The following GLIS3 variants were observed in gnomAD, a reference collection of about 807,000 sequenced individuals.
The protein encoded by GLIS3 is GLIS family zinc finger 3, also known as zinc finger protein GLIS3.
Under a neutral mutation model 78.6 loss-of-function variants are expected in GLIS3, and 53 were observed. The ratio of observed to expected loss-of-function variants is 0.67; its 90% confidence interval spans 0.54 to 0.85. The LOEUF (loss-of-function observed/expected upper bound fraction) is 0.85, where lower values mean the gene tolerates loss of function less well. Among genes scored for constraint, GLIS3 ranks in the 40% least tolerant of loss-of-function variants. The pLI, the probability that GLIS3 is intolerant of heterozygous loss-of-function variation, is 0.00. For synonymous variants in GLIS3, 684 were observed against 509.9 expected, an observed-to-expected ratio of 1.34 and a Z score of -4.60; for missense variants, 1,703 against 1,231.1, an observed-to-expected ratio of 1.38 and a Z score of -5.74.
chr9:4,451,529 A>G, the GLIS3 span, among the ~76,000 whole-genome samples: 3 of 152,196 alleles, frequency 2.0e-5, no homozygotes, highest in African/African-American at 7.2e-5. Context: ...TCTCCACCCC[A>G]TATCAACAGA....
chr9:4,419,032 C>A, the GLIS3 span, among the ~76,000 whole-genome samples: 1 of 152,168 alleles, frequency 6.6e-6, no homozygotes. Flanking sequence ...TGCAATCTGT[C>A]ATTAAGCAAT....
chr9:4,033,044 G>A (rs12353129), intron 4 of GLIS3, among the ~76,000 whole-genome samples: 6,930 of 151,914 alleles, frequency 0.046, 568 homozygotes, highest in African/African-American at 0.16. Context: ...TAGTAGAGAC[G>A]GGGTTTCACC....
At chr9:4,350,782 AC>A (rs1259422141), upstream of GLIS3, among the ~76,000 whole-genome samples, 2 of 151,478 alleles carry the variant, frequency 1.3e-5, no homozygotes, top group Non-Finnish European at 2.9e-5. Flanking sequence ...GGGGTAAAAA[AC>A]ATCAGGGTTT....
At chr9:3,839,475 C>G (rs965432522) in intron 9 of GLIS3, among the ~76,000 whole-genome samples, 6 of 151,752 alleles carry the variant, frequency 4.0e-5, no homozygotes, top group Admixed American at 3.9e-4. Flanking sequence ...AGGAAAGGAA[C>G]TAATAGTTAT....
chr9:4,467,651 A>C, the GLIS3 span, among the ~76,000 whole-genome samples: 5 of 152,210 alleles, frequency 3.3e-5, no homozygotes, highest in Non-Finnish European at 5.9e-5. Context: ...ATCAAAGAAC[A>C]AAGGTAGATA....
At chr9:4,369,027 T>C in the GLIS3 span, among the ~76,000 whole-genome samples, 5 of 152,224 alleles carry the variant, frequency 3.3e-5, no homozygotes, top group Non-Finnish European at 7.3e-5. Flanking sequence ...TCTCCATTTC[T>C]CTATTTCTAA....
At position 4,054,285 on chromosome 9, in the gene GLIS3, G is replaced by C. The variant is rs540915835; in HGVS notation, c.1710+63483C>G. On this transcript the variant is annotated intron_variant, in intron 4 of 10. Coordinates refer to ENST00000381971, the MANE Select transcript of GLIS3 (RefSeq NM_001042413.2). Reference sequence around the variant, plus strand: ...ACTGCTCTATTCTCAGCACAGACCAGAGCCTGCAAACAACGTACTCTACAG... The same window carrying C: ...ACTGCTCTATTCTCAGCACAGACCACAGCCTGCAAACAACGTACTCTACAG... The C allele has an allele frequency of 1.0e-5, 10 of 956,922 alleles. No homozygotes were observed. In the East Asian group the frequency reaches 3.5e-4, roughly 33 times the overall value. 59.3% of individuals were successfully genotyped at this position (956,922 alleles called of 1,614,324 possible). A position where few individuals can be genotyped will look rare whatever the true frequency, so the allele number is the denominator to read the frequency against.
chr9:3,995,466 G>A (rs558813477), intron 4 of GLIS3, among the ~76,000 whole-genome samples: 38 of 152,012 alleles, frequency 2.5e-4, no homozygotes, highest in African/African-American at 8.2e-4. Flanking sequence ...ACAGCCAGTA[G>A]AAAACACAGT....
intron 2 of GLIS3, among the ~76,000 whole-genome samples, chr9:4,211,899 T>C (rs1337200732): frequency 2.0e-5 from 3 of 152,234 alleles, no homozygotes; most frequent in Non-Finnish European, 4.4e-5. Context: ...AACATTTTTC[T>C]AAGTGAAAGA....
the GLIS3 span, among the ~76,000 whole-genome samples, chr9:4,449,488 C>T: frequency 2.0e-5 from 3 of 152,204 alleles, no homozygotes; most frequent in African/African-American, 7.2e-5. Context: ...GCATGGTGTT[C>T]AAGCTCTGAG....
the GLIS3 span, among the ~76,000 whole-genome samples, chr9:4,387,343 A>G: frequency 2.2e-4 from 34 of 152,092 alleles, no homozygotes; most frequent in African/African-American, 8.2e-4. Flanking sequence ...TACTTACATG[A>G]GAGTGTGACC....
At chr9:4,413,838 C>G in the GLIS3 span, among the ~76,000 whole-genome samples, 1 of 152,108 alleles carries the variant, frequency 6.6e-6, no homozygotes, top group African/African-American at 2.4e-5. Flanking sequence ...AACTAAAACC[C>G]TGTAAAATTT....
intron 2 of GLIS3, among the ~76,000 whole-genome samples, chr9:4,212,615 AAACT>A (rs1026264618): frequency 2.6e-5 from 4 of 152,206 alleles, no homozygotes; most frequent in African/African-American, 7.2e-5. Flanking sequence ...AATTCCTGAA[AAACT>A]AACTTTTAGC....
intron 5 of GLIS3, 102 bp from the exon 6 acceptor site, chr9:3,932,572 C>T (rs1488683437): frequency 1.2e-6 from 1 of 837,202 alleles, no homozygotes; most frequent in African/African-American, 1.7e-5. Context: ...GAACTGTTAC[C>T]AATTGACTGA....
chr9:4,028,052 C>T (rs1823497411), intron 4 of GLIS3, among the ~76,000 whole-genome samples: 1 of 152,176 alleles, frequency 6.6e-6, no homozygotes, highest in Non-Finnish European at 1.5e-5. Context: ...CAGCATAGTA[C>T]TTATCTTCCT....
intron 4 of GLIS3, among the ~76,000 whole-genome samples, chr9:4,038,973 A>T (rs1382231713): frequency 1.3e-5 from 2 of 152,176 alleles, no homozygotes; most frequent in African/African-American, 4.8e-5. Flanking sequence ...GTCTTCTCTC[A>T]CTATGAACCG....
At chr9:4,288,447 G>A (rs1587320074) in intron 1 of GLIS3, among the ~76,000 whole-genome samples, 1 of 151,768 alleles carries the variant, frequency 6.6e-6, no homozygotes, top group East Asian at 1.9e-4. Flanking sequence ...AGTGTCTGCA[G>A]ATTTTCAGAC....
Position 4,008,811 on chromosome 9 carries a change from C to T in GLIS3, c.1711-71622G>A, listed in dbSNP as rs573618399. Among the ~76,000 whole-genome samples the T allele has an allele frequency of 8.5e-5, 13 of 152,302 alleles. No individual in the cohort carries two copies. In the East Asian group the frequency reaches 2.1e-3, roughly 25 times the overall value. On this transcript the variant is annotated intron_variant, in intron 4 of 10. Transcript: ENST00000381971. ...GAGTTGAAAGAAACTTTAGAGATGA[C>T]TCTGTTCCAACATCCACCTTTTATA...
At chr9:4,306,672 A>G (rs1382348702) in intron 4 of GLIS3, among the ~76,000 whole-genome samples, 2 of 152,324 alleles carry the variant, frequency 1.3e-5, no homozygotes, top group East Asian at 3.9e-4. Context: ...TCATAGAGAA[A>G]TGTCTGCCCA....
Sources: gnomAD v4.1 joint callset for allele counts (sites outside exome capture counted in the v4.1 genomes callset) on GRCh38, gnomAD v4.1.1 for gene constraint, MANE v1.5 for transcripts, NCBI Gene and HGNC (gene_info 2026-07-23, HGNC 2026-07-21) for gene names.